Variants in PRICKLE1 observed in about 807,000 individuals in gnomAD.
PRICKLE1 encodes prickle planar cell polarity protein 1.
In PRICKLE1, 14 loss-of-function variants were observed where a neutral mutation model predicts 70.2. That is an observed-to-expected ratio of 0.20 (90% CI 0.13 to 0.31). PRICKLE1 has a LOEUF of 0.31. Ranked by LOEUF, PRICKLE1 falls within the 10% of genes least tolerant of loss-of-function variation. The pLI is 1.00. For missense variants in PRICKLE1, 821 were observed against 1,026.2 expected (o/e 0.80, Z 2.73); for synonymous variants, 357 against 379.9 (o/e 0.94, Z 0.70).
At chr12:42,566,398 T>C (rs995967607) in intron 1 of PRICKLE1, among the ~76,000 whole-genome samples, 4 of 152,052 alleles carry the variant, frequency 2.6e-5, no homozygotes, top group African/African-American at 4.8e-5. Flanking sequence ...GGTTTGAGGA[T>C]GGATGATGGC....
At chr12:42,510,318 T>C (rs556738462) in intron 1 of PRICKLE1, among the ~76,000 whole-genome samples, 3 of 152,124 alleles carry the variant, frequency 2.0e-5, no homozygotes, top group Admixed American at 2.0e-4. Flanking sequence ...ATGGTCTTGA[T>C]CTCCTGATCT....
At chr12:42,562,270 T>C (rs980608059) in intron 1 of PRICKLE1, among the ~76,000 whole-genome samples, 8 of 152,194 alleles carry the variant, frequency 5.3e-5, no homozygotes, top group African/African-American at 1.9e-4. Context: ...CAGTAGAAAA[T>C]TAAAGTATAT....
chr12:42,536,547 A>G (rs967808119), intron 1 of PRICKLE1, among the ~76,000 whole-genome samples: 28 of 152,084 alleles, frequency 1.8e-4, no homozygotes, highest in Non-Finnish European at 3.8e-4. Flanking sequence ...CTCCTGGGGT[A>G]TGGTTTCCTA....
intron 1 of PRICKLE1, among the ~76,000 whole-genome samples, chr12:42,581,087 A>T (rs1431411491): frequency 6.6e-6 from 1 of 152,216 alleles, no homozygotes; most frequent in African/African-American, 2.4e-5. Context: ...GCAGTTGTAC[A>T]TTGGAATCAT....
rs1418190599 is a variant in PRICKLE1 at position 42,457,663 on chromosome 12, A to G, written c.*2146T>C. 1.3e-5 allele frequency: 2 copies of G among 152,262 alleles called. No homozygotes were observed. The highest frequency in any genetic ancestry group is 1.9e-4 in the East Asian group (1 of 5,204). The allele number at this position is 152,262 out of a possible 1,614,324, so 9.4% of individuals were successfully genotyped here. ...ATGTATGAGGAAAGTCAACTCCATC[A>G]TTAGGAGTAGGCTATTAAGCAGTCA... On this transcript the variant is annotated 3_prime_UTR_variant, in exon 8 of 8. Transcript: ENST00000345127.
intron 2 of PRICKLE1, among the ~76,000 whole-genome samples, 195 bp downstream of exon 2, chr12:42,472,190 G>A (rs964594971): frequency 1.3e-5 from 2 of 152,174 alleles, no homozygotes; most frequent in African/African-American, 4.8e-5. Flanking sequence ...GGTACGACGA[G>A]ATTGGAAACT....
intron 1 of PRICKLE1, among the ~76,000 whole-genome samples, chr12:42,578,045 T>C (rs897019850): frequency 2.6e-5 from 4 of 152,110 alleles, no homozygotes; most frequent in East Asian, 3.8e-4. Flanking sequence ...GAAGATAAAA[T>C]GAGATGAATA....
chr12:42,578,183 A>G (rs1293497568), intron 1 of PRICKLE1, among the ~76,000 whole-genome samples: 1 of 152,222 alleles, frequency 6.6e-6, no homozygotes. Flanking sequence ...CTCACTGCCA[A>G]TTTAGCTCTG....
At chr12:42,534,618 T>C (rs1939986626) in intron 1 of PRICKLE1, among the ~76,000 whole-genome samples, 1 of 152,206 alleles carries the variant, frequency 6.6e-6, no homozygotes, top group Admixed American at 6.5e-5. Context: ...GGTTAATAAT[T>C]TGTCTAAGGC....
At chr12:42,492,158 G>T (rs946880717) in intron 1 of PRICKLE1, among the ~76,000 whole-genome samples, 2 of 151,988 alleles carry the variant, frequency 1.3e-5, no homozygotes, top group Non-Finnish European at 2.9e-5. Context: ...CTGGAGTGCA[G>T]TGGTGCAATC....
chr12:42,490,909 C>T (rs1217442989), intron 1 of PRICKLE1, among the ~76,000 whole-genome samples: 1 of 151,972 alleles, frequency 6.6e-6, no homozygotes, highest in Non-Finnish European at 1.5e-5. Context: ...TTAACTCTGT[C>T]ACTCAGGCTG....
chr12:42,583,349 T>A (rs1820863730), intron 1 of PRICKLE1, among the ~76,000 whole-genome samples: 1 of 152,190 alleles, frequency 6.6e-6, no homozygotes, highest in Non-Finnish European at 1.5e-5. Context: ...TAAAATAACA[T>A]AAACCTCATT....
chr12:42,484,184 G>T (rs1170263637), intron 1 of PRICKLE1: 1 of 150,884 alleles, frequency 6.6e-6, no homozygotes, highest in Non-Finnish European at 1.5e-5. Context: ...TGCTGACCGT[G>T]CCCCTGGCCG....
chr12:42,584,313 T>C (rs752772601), intron 1 of PRICKLE1: 10 of 152,212 alleles, frequency 6.6e-5, no homozygotes, highest in Non-Finnish European at 1.2e-4. Flanking sequence ...TATTGCTATG[T>C]CCCTAAAGAG....
intron 1 of PRICKLE1, among the ~76,000 whole-genome samples, chr12:42,520,558 T>TA: frequency 6.6e-6 from 1 of 152,362 alleles, no homozygotes; most frequent in Admixed American, 6.5e-5. Flanking sequence ...AGTGGGGAGT[T>TA]ACTGTGAACA....
At chr12:42,475,780 G>A (rs1441821070) in intron 1 of PRICKLE1, among the ~76,000 whole-genome samples, 2 of 151,718 alleles carry the variant, frequency 1.3e-5, no homozygotes, top group African/African-American at 4.8e-5. Context: ...AGTTCTCAGA[G>A]CTCATCAAAA....
intron 1 of PRICKLE1, among the ~76,000 whole-genome samples, chr12:42,508,307 T>A (rs1465256989): frequency 6.6e-6 from 1 of 152,236 alleles, no homozygotes; most frequent in Non-Finnish European, 1.5e-5. Context: ...CATCCCTTCC[T>A]ATTAGAATAT....
intron 1 of PRICKLE1, among the ~76,000 whole-genome samples, chr12:42,554,919 T>C (rs1940389379): frequency 6.6e-6 from 1 of 151,240 alleles, no homozygotes; most frequent in African/African-American, 2.4e-5. Context: ...CCTCACTAGG[T>C]AGTGCAATAT....
Position 42,459,293 on chromosome 12 carries a change from T to C in PRICKLE1, c.*516A>G, listed in dbSNP as rs1039758268. Reference sequence around the variant, plus strand: ...CAATCTGTAGCTGGCGCTGATACAATACAATGTTTACCTGGCCAAAGAGGG... The same window carrying C: ...CAATCTGTAGCTGGCGCTGATACAACACAATGTTTACCTGGCCAAAGAGGG... On this transcript the variant is annotated 3_prime_UTR_variant, in exon 8 of 8. Transcript: ENST00000345127. 1 of 701,906 alleles carries C rather than the reference T, an allele frequency of 1.4e-6. No homozygotes were observed. The highest frequency in any genetic ancestry group is 2.6e-6 in the Non-Finnish European group (1 of 384,828). 43.5% of individuals were successfully genotyped at this position (701,906 alleles called of 1,614,324 possible).
Sources: allele counts gnomAD v4.1 joint callset (sites outside exome capture counted in the v4.1 genomes callset), GRCh38; gene constraint gnomAD v4.1.1; transcripts MANE v1.5; gene names NCBI Gene and HGNC (gene_info 2026-07-23, HGNC 2026-07-21).